Variants in DPF3 observed in about 807,000 individuals in gnomAD.
DPF3 encodes the protein zinc finger protein DPF3.
DPF3 carries 18 observed loss-of-function variants against 56.8 expected under a neutral mutation model. The observed-to-expected ratio is 0.32, with a 90% confidence interval of 0.22 to 0.47. The LOEUF (loss-of-function observed/expected upper bound fraction) is 0.47. Among genes scored for constraint, DPF3 ranks in the 20% least tolerant of loss-of-function variants. DPF3 has a pLI of 1.00. For missense variants in DPF3, 403 were observed against 488.8 expected, an observed-to-expected ratio of 0.82 and a Z score of 1.65; for synonymous variants, 188 against 180.2, an observed-to-expected ratio of 1.04 and a Z score of -0.35.
chr14:72,727,092 G>A (rs560357681), intron 4 of DPF3, among the ~76,000 whole-genome samples: 3 of 152,170 alleles, frequency 2.0e-5, no homozygotes, highest in East Asian at 1.9e-4. Flanking sequence ...GTCTGGTCTC[G>A]GCCCACCTGT....
intron 2 of DPF3, among the ~76,000 whole-genome samples, chr14:72,756,961 GA>G (rs1316382917): frequency 3.5e-4 from 41 of 117,606 alleles, no homozygotes; most frequent in African/African-American, 7.8e-4. Flanking sequence ...GAGAGGGAAA[GA>G]GGGGGAGAGA....
intron 1 of DPF3, among the ~76,000 whole-genome samples, chr14:72,883,557 C>T (rs989821417): frequency 1.3e-5 from 2 of 152,194 alleles, no homozygotes; most frequent in African/African-American, 4.8e-5. Flanking sequence ...ATCTGAACCA[C>T]TTCCAAGGCT....
At chr14:72,644,293 C>T (rs989852900) in intron 8 of DPF3, among the ~76,000 whole-genome samples, 2 of 152,178 alleles carry the variant, frequency 1.3e-5, no homozygotes, top group Admixed American at 6.5e-5. Context: ...CAGGCAGCAC[C>T]GGGTCTGCAC....
intron 6 of DPF3, among the ~76,000 whole-genome samples, chr14:72,709,275 C>T (rs1026272315): frequency 1.3e-5 from 2 of 152,208 alleles, no homozygotes; most frequent in Non-Finnish European, 2.9e-5. Flanking sequence ...AGAGGGCCCG[C>T]TCCTGGTGTG....
intron 8 of DPF3, among the ~76,000 whole-genome samples, chr14:72,664,882 G>T (rs1469135280): frequency 6.6e-6 from 1 of 152,194 alleles, no homozygotes; most frequent in Non-Finnish European, 1.5e-5. Context: ...GTTTGAGAAG[G>T]ACTACAAGCA....
chr14:72,688,406 GC>G (rs1352264078), intron 7 of DPF3, among the ~76,000 whole-genome samples: 3 of 152,142 alleles, frequency 2.0e-5, no homozygotes, highest in Non-Finnish European at 4.4e-5. Context: ...TTTCATCCAG[GC>G]CCAGGACTTC....
At chr14:72,811,794 T>TC (rs915327089) in intron 1 of DPF3, among the ~76,000 whole-genome samples, 8 of 152,016 alleles carry the variant, frequency 5.3e-5, no homozygotes, top group African/African-American at 9.7e-5. Flanking sequence ...CTCTTGTAGA[T>TC]CCCCCCATCT....
intron 3 of DPF3, among the ~76,000 whole-genome samples, chr14:72,732,366 T>A (rs1447188987): frequency 6.6e-6 from 1 of 152,198 alleles, no homozygotes; most frequent in Non-Finnish European, 1.5e-5. Flanking sequence ...ACTCAAGCAA[T>A]GCACAATGCT....
chr14:72,639,038 C>T (rs1218411267), intron 8 of DPF3, among the ~76,000 whole-genome samples: 1 of 152,120 alleles, frequency 6.6e-6, no homozygotes, highest in Non-Finnish European at 1.5e-5. Context: ...AGGATGGTCT[C>T]GATCTCCTAA....
chr14:72,652,649 G>GA (rs1885947621), intron 8 of DPF3, among the ~76,000 whole-genome samples: 1 of 152,160 alleles, frequency 6.6e-6, no homozygotes, highest in Non-Finnish European at 1.5e-5. Flanking sequence ...CTCAGAGGCA[G>GA]ACCTGGGGTG....
chr14:72,844,481 G>C (rs1177346259), intron 1 of DPF3, among the ~76,000 whole-genome samples: 1 of 152,158 alleles, frequency 6.6e-6, no homozygotes, highest in Non-Finnish European at 1.5e-5. Flanking sequence ...ATCTAACAGG[G>C]TCTTGAATAC....
intron 1 of DPF3, among the ~76,000 whole-genome samples, chr14:72,849,229 T>C (rs547820202): frequency 1.4e-4 from 21 of 152,338 alleles, no homozygotes; most frequent in African/African-American, 4.8e-4. Context: ...CCACGTTTTG[T>C]GCTTATCTCA....
intron 8 of DPF3, among the ~76,000 whole-genome samples, chr14:72,644,050 T>G (rs893719267): frequency 2.6e-5 from 4 of 152,104 alleles, no homozygotes; most frequent in Non-Finnish European, 5.9e-5. Flanking sequence ...GAATGGAAAA[T>G]GAGGATGATG....
intron 1 of DPF3, among the ~76,000 whole-genome samples, chr14:72,813,169 A>G (rs112530396): frequency 1.8e-4 from 27 of 152,088 alleles, no homozygotes; most frequent in African/African-American, 6.3e-4. Context: ...ATTCTGGGAG[A>G]AACCAGAGGG....
intron 3 of DPF3, among the ~76,000 whole-genome samples, chr14:72,732,367 G>A (rs529111214): frequency 6.6e-6 from 1 of 152,326 alleles, no homozygotes; most frequent in East Asian, 1.9e-4. Context: ...CTCAAGCAAT[G>A]CACAATGCTG....
intron 1 of DPF3, among the ~76,000 whole-genome samples, chr14:72,834,144 C>T (rs1234704274): frequency 6.6e-6 from 1 of 151,670 alleles, no homozygotes; most frequent in Non-Finnish European, 1.5e-5. Flanking sequence ...CGCCATTGCA[C>T]TCCAGCCCGA....
intron 6 of DPF3, among the ~76,000 whole-genome samples, chr14:72,709,271 C>T (rs552693640): frequency 6.6e-6 from 1 of 152,292 alleles, no homozygotes; most frequent in African/African-American, 2.4e-5. Context: ...CTTGAGAGGG[C>T]CCGCTCCTGG....
intron 8 of DPF3, chr14:72,671,150 T>C: frequency 6.2e-7 from 1 of 1,613,924 alleles, no homozygotes. Flanking sequence ...CAACTGCCCT[T>C]TTTATCTGCT....
intron 1 of DPF3, among the ~76,000 whole-genome samples, chr14:72,874,049 G>C (rs1424931628): frequency 7.0e-6 from 1 of 143,254 alleles, no homozygotes; most frequent in Non-Finnish European, 1.5e-5. Flanking sequence ...TTGTGCACAT[G>C]TACCCTAAAA....
Sources: allele counts gnomAD v4.1 joint callset (sites outside exome capture counted in the v4.1 genomes callset), GRCh38; gene constraint gnomAD v4.1.1; transcripts MANE v1.5; gene names NCBI Gene and HGNC (gene_info 2026-07-23, HGNC 2026-07-21).